Variants in WDR20 observed in about 807,000 individuals in gnomAD.
The protein encoded by WDR20 is WD repeat-containing protein 20.
A neutral mutation model predicts 38.7 loss-of-function variants in WDR20; 3 were observed. That is an observed-to-expected ratio of 0.08 (90% confidence interval 0.04 to 0.20). The LOEUF is 0.20. Ranked by LOEUF, WDR20 falls within the 10% of genes least tolerant of loss-of-function variation. WDR20 has a pLI of 1.00. For synonymous variants in WDR20, 298 were observed against 285.6 expected (o/e 1.04, Z -0.44); for missense variants, 559 against 727.7 (o/e 0.77, Z 2.67).
At chr14:102,149,065 A>G (rs375154053) in intron 1 of WDR20, among the ~76,000 whole-genome samples, 2 of 152,102 alleles carry the variant, frequency 1.3e-5, no homozygotes, top group South Asian at 2.1e-4. Context: ...CGGAAGGCTG[A>G]GGCAGGAGAA....
intron 1 of WDR20, chr14:102,191,149 G>A (rs1161669859): frequency 6.6e-6 from 1 of 152,294 alleles, no homozygotes; most frequent in Non-Finnish European, 1.5e-5. Context: ...TTGCAGGGGA[G>A]GGGTGGGCCT....
In WDR20 at chr14:102,140,112, C is replaced by A. The variant is rs777183351; in HGVS notation, c.189C>A (p.Asp63Glu). 11 of 1,614,146 alleles carry A rather than the reference C, an allele frequency of 6.8e-6. No homozygotes were observed. The highest frequency in any genetic ancestry group is 9.3e-6 in the Non-Finnish European group (11 of 1,180,050). ...VNLNDQSGNG[D>E]RLCFNVGREL... ...TCAACGACCAGTCTGGCAACGGCGA[C>A]CGCCTCTGCTTCAATGTGGGCCGGG... is the stretch of plus-strand genomic sequence containing the variant. The change falls in exon 1 of 3, where the codon GAC becomes GAA. Residue 63 changes from aspartate to glutamate, a missense_variant. Asp to Glu is a conservative substitution (Grantham distance 45). Transcript: ENST00000342702.
chr14:102,160,506 C>T (rs1219368252), intron 1 of WDR20, among the ~76,000 whole-genome samples: 1 of 152,066 alleles, frequency 6.6e-6, no homozygotes, highest in Non-Finnish European at 1.5e-5. Flanking sequence ...GTTTTTTCTG[C>T]TTAATGATCT....
downstream of WDR20, chr14:102,212,642 C>T (rs1487652583): frequency 7.8e-6 from 12 of 1,532,526 alleles, no homozygotes; most frequent in Non-Finnish European, 1.0e-5. Flanking sequence ...CGCCCTTCTC[C>T]TCGGCTGTGC....
chr14:102,139,557 AC>A (rs1301865444), upstream of WDR20: 1 of 812,312 alleles, frequency 1.2e-6, no homozygotes, highest in Middle Eastern at 3.8e-4. Context: ...GGCTCATGAC[AC>A]CAGCCCCGCC....
At chr14:102,139,711 G>A, upstream of WDR20, 1 of 739,236 alleles carries the variant, frequency 1.4e-6, no homozygotes, top group South Asian at 1.9e-5. Flanking sequence ...CGGACGCCCA[G>A]TCGGGTGGAG....
intron 1 of WDR20, among the ~76,000 whole-genome samples, chr14:102,165,946 GTTATTTCCATTT>G (rs2059688720): frequency 6.6e-6 from 1 of 151,676 alleles, no homozygotes; most frequent in African/African-American, 2.4e-5. Context: ...GGCCTAGTTT[GTTATTTCCATTT>G]TTATTCTCTC....
At chr14:102,216,340 TCTCG>T (rs934162302), downstream of WDR20, among the ~76,000 whole-genome samples, 4 of 152,274 alleles carry the variant, frequency 2.6e-5, no homozygotes, top group East Asian at 7.7e-4. Context: ...TGAGACAGGG[TCTCG>T]CTCTGTTGCC....
chr14:102,223,009 G>T (rs1056087533), exon 4 of WDR20: 35 of 1,125,426 alleles, frequency 3.1e-5, no homozygotes, highest in Non-Finnish European at 4.2e-5. Context: ...GGCGATAGCC[G>T]TGTGGACGGT....
At chr14:102,149,527 A>AT (rs2054964048) in intron 1 of WDR20, among the ~76,000 whole-genome samples, 1 of 152,162 alleles carries the variant, frequency 6.6e-6, no homozygotes, top group African/African-American at 2.4e-5. Flanking sequence ...TTTTTTATAA[A>AT]TTTTTAAATT....
At chr14:102,217,440 A>G (rs761240320), downstream of WDR20, among the ~76,000 whole-genome samples, 1 of 152,190 alleles carries the variant, frequency 6.6e-6, no homozygotes, top group Non-Finnish European at 1.5e-5. Context: ...TTTTCTCATT[A>G]GATGCCAGGT....
intron 1 of WDR20, among the ~76,000 whole-genome samples, chr14:102,148,686 TGTGTGTG>T (rs2054587710): frequency 6.6e-6 from 1 of 151,110 alleles, no homozygotes; most frequent in East Asian, 1.9e-4. Context: ...TGTGTGTGTG[TGTGTGTG>T]TGTGTGTGTG....
At chr14:102,202,628 C>T (rs2152983207) in intron 2 of WDR20, among the ~76,000 whole-genome samples, 1 of 152,222 alleles carries the variant, frequency 6.6e-6, no homozygotes, top group South Asian at 2.1e-4. Flanking sequence ...GATCCGCCCG[C>T]CTTGGCCTCC....
downstream of WDR20, chr14:102,213,753 A>T: frequency 1.8e-5 from 18 of 985,418 alleles, no homozygotes; most frequent in Non-Finnish European, 2.2e-5. Flanking sequence ...TTGCCTGCAT[A>T]CAAGGTCCTC....
At chr14:102,162,518 T>C (rs2058951774) in intron 1 of WDR20, among the ~76,000 whole-genome samples, 1 of 152,190 alleles carries the variant, frequency 6.6e-6, no homozygotes, top group Non-Finnish European at 1.5e-5. Flanking sequence ...TTTGTTGAAA[T>C]TATAGTCCTC....
chr14:102,142,258 T>A (rs2051528159), intron 1 of WDR20, among the ~76,000 whole-genome samples: 1 of 152,220 alleles, frequency 6.6e-6, no homozygotes, highest in African/African-American at 2.4e-5. Flanking sequence ...CTACTCTCTT[T>A]TAATTGTAAC....
chr14:102,142,774 CTTTT>C (rs71116885), intron 1 of WDR20, among the ~76,000 whole-genome samples: 5 of 85,036 alleles, frequency 5.9e-5, no homozygotes, highest in African/African-American at 8.6e-5. Context: ...GCTGTTTTGA[CTTTT>C]TTTTTTTTTT....
At chr14:102,184,726 A>T (rs1259053429) in intron 1 of WDR20, among the ~76,000 whole-genome samples, 1 of 152,152 alleles carries the variant, frequency 6.6e-6, no homozygotes, top group Non-Finnish European at 1.5e-5. Flanking sequence ...TTGGGATGAC[A>T]TGAAGGTGAT....
intron 2 of WDR20, chr14:102,198,412 C>T (rs952688076): frequency 5.1e-6 from 1 of 195,608 alleles, no homozygotes; most frequent in Admixed American, 6.0e-5. Flanking sequence ...GCCACCACGC[C>T]TGGCCAACAC....
Sources: allele counts gnomAD v4.1 joint callset (sites outside exome capture counted in the v4.1 genomes callset), GRCh38; gene constraint gnomAD v4.1.1; transcripts MANE v1.5; gene names NCBI Gene and HGNC (gene_info 2026-07-23, HGNC 2026-07-21).